ANAPC1: variants seen among roughly 807,000 people sequenced by gnomAD.
The protein encoded by ANAPC1 is anaphase-promoting complex subunit 1.
ANAPC1 carries 36 observed loss-of-function variants against 208.0 expected under a neutral mutation model. That is an observed-to-expected ratio of 0.17 (90% CI 0.13 to 0.23). ANAPC1 has a LOEUF of 0.23. Ranked by LOEUF, ANAPC1 falls within the 10% of genes least tolerant of loss-of-function variation. The pLI, the probability that ANAPC1 is intolerant of heterozygous loss-of-function variation, is 1.00. For missense variants in ANAPC1, 942 were observed against 2,011.6 expected (o/e 0.47, Z 10.17); for synonymous variants, 378 against 695.2 (o/e 0.54, Z 7.18).
At chr2:111,788,992 G>C (rs1409919631) in intron 38 of ANAPC1, among the ~76,000 whole-genome samples, 3 of 152,396 alleles carry the variant, frequency 2.0e-5, no homozygotes, top group South Asian at 4.1e-4. Flanking sequence ...CAAAAAATTA[G>C]CCGGGCGCCG....
chr2:111,867,810 G>A lies in ANAPC1; in HGVS notation c.685+213C>T, dbSNP rs554603921. Among the ~76,000 whole-genome samples the A allele has an allele frequency of 3.3e-5, 5 of 151,624 alleles. No homozygotes were observed. In the East Asian group the frequency reaches 5.8e-4, roughly 18 times the overall value. On this transcript the variant is annotated intron_variant, in intron 7 of 47. Transcript: ENST00000341068. ...CTACAGGTAGGTTAATAAATATATCGGTATTCCTCACTGATTTATATGCCT... is the reference window on the plus strand; with the variant it reads ...CTACAGGTAGGTTAATAAATATATCAGTATTCCTCACTGATTTATATGCCT...
At chr2:111,792,994 T>G (rs1455306636) in intron 37 of ANAPC1, among the ~76,000 whole-genome samples, 28 of 152,348 alleles carry the variant, frequency 1.8e-4, no homozygotes, top group African/African-American at 6.7e-4. Context: ...TTTCCCTGAT[T>G]ATGAAATATA....
rs1297954289 is a variant in ANAPC1, at chr2:111,856,611, T to C, written c.1515+3A>G. The C allele has an allele frequency of 1.9e-6, 3 of 1,613,306 alleles. No individual in the cohort carries two copies. Among genetic ancestry groups the C allele is most frequent in the Admixed American group, 1.7e-5 (1 of 60,000 alleles). On this transcript the variant is annotated splice_donor_region_variant and intron_variant, in intron 13 of 47. Transcript: ENST00000341068. ...AAGGCATGAAGTGCTACTTATTGCT[T>C]ACCCGAACCACTCCTGTGTATAGCA...
At chr2:111,836,926 C>G (rs1276449931) in intron 18 of ANAPC1, among the ~76,000 whole-genome samples, 1 of 151,366 alleles carries the variant, frequency 6.6e-6, no homozygotes, top group Non-Finnish European at 1.5e-5. Flanking sequence ...CAAGATCGTG[C>G]CACTGCACTC....
Position 111,794,262 on chromosome 2 carries a change from A to G in ANAPC1, c.4435T>C (p.Ser1479Pro). 6.2e-7 allele frequency: 1 copy of G among 1,613,202 alleles called. No homozygotes were observed. The highest frequency in any genetic ancestry group is 8.5e-7 in the Non-Finnish European group (1 of 1,179,576). The change falls in exon 36 of 48, where the codon TCA becomes CCA. Residue 1479 changes from serine to proline, a missense_variant. Physicochemically the swap from Ser to Pro is moderately conservative, Grantham distance 74. Transcript: ENST00000341068. ...CAGTTAAATGCTGATAAGTTTTCTG[A>G]GCCAGCAAATCGAAAACCCAGAGAC... Reference protein sequence around the residue: ...CLSLGFRFAGSENLSAFNCLH... With the variant: ...CLSLGFRFAGPENLSAFNCLH...
chr2:111,879,046 T>C, intron 2 of ANAPC1, 75 bp from the exon 3 acceptor site: 1 of 1,513,216 alleles, frequency 6.6e-7, no homozygotes, highest in South Asian at 1.3e-5. Context: ...CAAAATTTAT[T>C]TGCCCATGGA....
At chr2:111,842,304 T>C (rs1680806803) in intron 17 of ANAPC1, among the ~76,000 whole-genome samples, 1 of 152,138 alleles carries the variant, frequency 6.6e-6, no homozygotes, top group Non-Finnish European at 1.5e-5. Flanking sequence ...ATTCCTCCAT[T>C]TTCCACATTT....
At chr2:111,797,013 TTG>T (rs1454912053) in intron 34 of ANAPC1, among the ~76,000 whole-genome samples, 1 of 151,758 alleles carries the variant, frequency 6.6e-6, no homozygotes, top group African/African-American at 2.4e-5. Context: ...CCACTGTTTT[TTG>T]TGTTTTTTTG....
Position 111,822,610 on chromosome 2 carries a change from AAAGG to A in ANAPC1, c.2813-14_2813-11del, listed in dbSNP as rs1424050080. 7.1e-7 allele frequency: 1 copy of A among 1,402,458 alleles called. No homozygotes were observed. The highest frequency in any genetic ancestry group is 2.3e-5 in the East Asian group (1 of 43,302). 86.9% of individuals were successfully genotyped at this position (1,402,458 alleles called of 1,614,324 possible). A position where few individuals can be genotyped will look rare whatever the true frequency, so the allele number is the denominator to read the frequency against. ...TCTCTTAAAGTGAATCCTAATGGTT[AAAGG>A]AAGAGAGAAAAATTTTAATTTAGAC... On this transcript the variant is annotated splice_polypyrimidine_tract_variant and intron_variant, in intron 24 of 47. Coordinates refer to ENST00000341068, the MANE Select transcript of ANAPC1 (RefSeq NM_022662.4).
At position 111,825,802 on chromosome 2, in the gene ANAPC1, T is replaced by A. The variant is rs751094572; in HGVS notation, c.2679A>T (p.Ser893=). The A allele has an allele frequency of 3.1e-6, 5 of 1,613,698 alleles. No homozygotes were observed. Among genetic ancestry groups the A allele is most frequent in the Non-Finnish European group, 4.2e-6 (5 of 1,179,762 alleles). The change falls in exon 22 of 48, where the codon TCA becomes TCT. Residue 893 remains serine, a synonymous_variant. Coordinates refer to ENST00000341068, the MANE Select transcript of ANAPC1 (RefSeq NM_022662.4). Reference sequence around the variant, plus strand: ...CTATAGTTATTCTGGTTAAATACTGTGAGGATTCATCAGAAACCAAGCTCT... The same window carrying A: ...CTATAGTTATTCTGGTTAAATACTGAGAGGATTCATCAGAAACCAAGCTCT... ...GDESLVSDES[S]QYLTRITIAP... is the part of the protein sequence containing the mutation.
At chr2:111,882,601 G>C (rs1413717362) in intron 1 of ANAPC1, among the ~76,000 whole-genome samples, 2 of 151,776 alleles carry the variant, frequency 1.3e-5, no homozygotes, top group Non-Finnish European at 2.9e-5. Context: ...ACTCAGGCAT[G>C]GTGTGGGCGC....
At chr2:111,858,913 C>T (rs1343106074) in intron 10 of ANAPC1, among the ~76,000 whole-genome samples, 4 of 152,054 alleles carry the variant, frequency 2.6e-5, no homozygotes. Context: ...TGATTATGAG[C>T]TCGTTACACA....
intron 21 of ANAPC1, among the ~76,000 whole-genome samples, chr2:111,831,050 A>G (rs1387352151): frequency 1.3e-5 from 2 of 152,236 alleles, no homozygotes; most frequent in Non-Finnish European, 1.5e-5. Flanking sequence ...CTAATTAGCC[A>G]TAGAATGCGA....
intron 10 of ANAPC1, among the ~76,000 whole-genome samples, chr2:111,860,699 G>T (rs551293775): frequency 6.6e-6 from 1 of 151,870 alleles, no homozygotes; most frequent in African/African-American, 2.4e-5. Flanking sequence ...GACCTCTTTT[G>T]CTTTGTCTCT....
intron 1 of ANAPC1, 113 bp downstream of exon 1, chr2:111,883,829 A>C (rs1683462591): frequency 1.3e-5 from 2 of 152,386 alleles, no homozygotes; most frequent in Admixed American, 1.3e-4. Context: ...TCGGGTTCCC[A>C]GTACCCCGGG....
At chr2:111,831,682 C>CA (rs750119606) in intron 20 of ANAPC1, among the ~76,000 whole-genome samples, 268 of 150,082 alleles carry the variant, frequency 1.8e-3, no homozygotes, top group Non-Finnish European at 3.4e-3. Flanking sequence ...ACTAAAAATA[C>CA]AAAAAAAAAT....
chr2:111,861,414 A>C lies in ANAPC1; in HGVS notation c.1262+975T>G, dbSNP rs905346917. ...TAGCCTTTTCCCTCCCCTCTGCAAA[A>C]ACCAGAGTGGAAGTACTTGTAATTC... On this transcript the variant is annotated intron_variant, in intron 10 of 47. Coordinates refer to ENST00000341068, the MANE Select transcript of ANAPC1 (RefSeq NM_022662.4). Among the ~76,000 whole-genome samples, 159 of 152,138 alleles carry C rather than the reference A, an allele frequency of 1.0e-3. 3 individuals carry two copies. The highest frequency in any genetic ancestry group is 2.5e-4 in the Non-Finnish European group (17 of 68,018).
intron 20 of ANAPC1, among the ~76,000 whole-genome samples, chr2:111,832,261 C>T (rs778361256): frequency 6.7e-6 from 1 of 149,784 alleles, no homozygotes; most frequent in Non-Finnish European, 1.5e-5. Flanking sequence ...CAAGATCGTA[C>T]CACTGCACTC....
intron 34 of ANAPC1, among the ~76,000 whole-genome samples, chr2:111,795,621 C>T (rs963430811): frequency 5.2e-5 from 7 of 135,252 alleles, no homozygotes; most frequent in African/African-American, 1.9e-4. Flanking sequence ...ATCCAACATA[C>T]CTACCACAGG....
Sources: allele counts gnomAD v4.1 joint callset (sites outside exome capture counted in the v4.1 genomes callset), GRCh38; gene constraint gnomAD v4.1.1; transcripts MANE v1.5; gene names NCBI Gene and HGNC (gene_info 2026-07-23, HGNC 2026-07-21).